Variants in MAPRE3 observed in about 807,000 individuals in gnomAD.
The protein encoded by MAPRE3 is microtubule associated protein RP/EB family member 3, also known as microtubule-associated protein RP/EB family member 3.
In MAPRE3, 2 loss-of-function variants were observed where a neutral mutation model predicts 30.5. The observed-to-expected ratio is 0.07, with a 90% CI of 0.03 to 0.21. The LOEUF (loss-of-function observed/expected upper bound fraction) is 0.21, where lower values mean the gene tolerates loss of function less well. Among genes scored for constraint, MAPRE3 ranks in the 10% least tolerant of loss-of-function variants. MAPRE3 has a pLI of 1.00. For synonymous variants in MAPRE3, 110 were observed against 127.7 expected (o/e 0.86, Z 0.93); for missense variants, 204 against 351.8 (o/e 0.58, Z 3.36).
Position 26,986,282 on chromosome 2 carries a change from T to C in MAPRE3, c.-8+15480T>C, listed in dbSNP as rs1469222086. 6.6e-6 allele frequency among the ~76,000 whole-genome samples: 1 copy of C among 152,152 alleles called. No homozygotes were observed. The highest frequency in any genetic ancestry group is 1.9e-4 in the East Asian group (1 of 5,192). On this transcript the variant is annotated intron_variant, in intron 1 of 6. Coordinates refer to ENST00000233121, the MANE Select transcript of MAPRE3 (RefSeq NM_012326.4). This position sits in a 1 kb window ranked among gnomAD's most constrained non-coding sequence, Gnocchi z 4.2. ...CCCACTCAGATAATCCAGGATAATC[T>C]TCCCATCACAGAAACCTTAATCACA...
At chr2:26,978,275 T>C (rs1393207773) in intron 1 of MAPRE3, among the ~76,000 whole-genome samples, 1 of 152,166 alleles carries the variant, frequency 6.6e-6, no homozygotes, top group Non-Finnish European at 1.5e-5. Flanking sequence ...GTCTAAGGTG[T>C]GTGTTGCCAT....
chr2:27,012,804 A>T (rs1362040964), intron 1 of MAPRE3: 2 of 152,670 alleles, frequency 1.3e-5, no homozygotes, highest in East Asian at 3.9e-4. Context: ...AGTATAAATG[A>T]CTGTGCCCTC....
Position 26,985,344 on chromosome 2 carries a change from GCATCTC to G in MAPRE3, c.-8+14543_-8+14548del, listed in dbSNP as rs1666196293. The stretch of plus-strand genomic sequence containing the variant: ...ATTCTCATTCCAAATTCTGTTCTGT[GCATCTC>G]ATTTCTCCATGTGCAAAGACTTAGC... On this transcript the variant is annotated intron_variant, in intron 1 of 6. Transcript: ENST00000233121. This position sits in a 1 kb window ranked among gnomAD's most constrained non-coding sequence, Gnocchi z 4.2. Among the ~76,000 whole-genome samples the G allele has an allele frequency of 6.6e-6, 1 of 152,182 alleles. No homozygotes were observed. The highest frequency in any genetic ancestry group is 2.1e-4 in the South Asian group (1 of 4,826).
chr2:27,016,423 T>C (rs1666987241), intron 1 of MAPRE3, among the ~76,000 whole-genome samples: 1 of 150,948 alleles, frequency 6.6e-6, no homozygotes, highest in South Asian at 2.1e-4. Context: ...GTCGCTCTTT[T>C]GCCCAGGCTG....
chr2:27,019,185 G>A (rs1451236409), intron 1 of MAPRE3, among the ~76,000 whole-genome samples: 2 of 152,018 alleles, frequency 1.3e-5, no homozygotes. Context: ...ATGAGCCACC[G>A]CACCCGCTCT....
At chr2:27,002,086 G>A (rs1443803210) in intron 1 of MAPRE3, 1 of 152,262 alleles carries the variant, frequency 6.6e-6, no homozygotes, top group African/African-American at 2.4e-5. Context: ...AACTCTCAGG[G>A]AGGCTGAGAA....
intron 1 of MAPRE3, among the ~76,000 whole-genome samples, chr2:26,994,906 G>T (rs1486172349): frequency 6.7e-6 from 1 of 149,008 alleles, no homozygotes; most frequent in Non-Finnish European, 1.5e-5. Context: ...GCAGGATCAT[G>T]GCTCACTGCA....
At chr2:26,973,681 G>A (rs1292915725) in intron 1 of MAPRE3, among the ~76,000 whole-genome samples, 3 of 149,340 alleles carry the variant, frequency 2.0e-5, no homozygotes, top group Non-Finnish European at 4.4e-5. Flanking sequence ...TCAGCCTCCC[G>A]AGTAGCTGGG....
chr2:26,984,679 C>T (rs928007894), intron 1 of MAPRE3: 10 of 152,252 alleles, frequency 6.6e-5, no homozygotes, highest in African/African-American at 2.4e-4. Context: ...CAACCCTAAG[C>T]CCCTCCATAC....
chr2:27,011,867 A>C, intron 1 of MAPRE3: 1 of 134,922 alleles, frequency 7.4e-6, no homozygotes, highest in Non-Finnish European at 1.6e-5. Flanking sequence ...AAAAAAAAGA[A>C]AGAGAGAGGT....
At chr2:26,974,513 G>A (rs912429156) in intron 1 of MAPRE3, among the ~76,000 whole-genome samples, 5 of 152,230 alleles carry the variant, frequency 3.3e-5, no homozygotes, top group African/African-American at 1.2e-4. Flanking sequence ...GGCAGATGGG[G>A]CTGAGAGGAG....
intron 1 of MAPRE3, chr2:26,995,467 G>A (rs1666430996): frequency 6.6e-6 from 1 of 152,168 alleles, no homozygotes; most frequent in African/African-American, 2.4e-5. Flanking sequence ...TAGAAAGTAA[G>A]GAACTTACCA....
At chr2:26,997,927 A>G (rs1237948198) in intron 1 of MAPRE3, among the ~76,000 whole-genome samples, 1 of 152,232 alleles carries the variant, frequency 6.6e-6, no homozygotes. Flanking sequence ...TCCAGCCTTC[A>G]GTCTGGTTCT....
At chr2:27,021,426 A>G (rs937550110) in intron 1 of MAPRE3, among the ~76,000 whole-genome samples, 2 of 152,346 alleles carry the variant, frequency 1.3e-5, no homozygotes, top group Admixed American at 6.5e-5. Context: ...TAATGAATAC[A>G]GGAGCCAGAA....
At chr2:27,016,377 A>C (rs1490212904) in intron 1 of MAPRE3, among the ~76,000 whole-genome samples, 1 of 135,824 alleles carries the variant, frequency 7.4e-6, no homozygotes, top group African/African-American at 2.7e-5. Flanking sequence ...TCGTCAGGTT[A>C]TGTCTTTTTT....
intron 3 of MAPRE3, 44 bp from the exon 4 acceptor site, chr2:27,024,052 A>G: frequency 6.6e-7 from 1 of 1,509,182 alleles, no homozygotes; most frequent in Non-Finnish European, 9.2e-7. Flanking sequence ...GCGGTCCTAC[A>G]GCAGCAGGTG....
Position 26,970,698 on chromosome 2 carries a change from G to C in MAPRE3, c.-112G>C, listed in dbSNP as rs1033848225. On this transcript the variant is annotated 5_prime_UTR_variant, in exon 1 of 7. Coordinates refer to ENST00000233121, the MANE Select transcript of MAPRE3 (RefSeq NM_012326.4). ...CCGGAGACCGCGGCGGCCTCAGCGA[G>C]GACCCTCCGCCCCGGAGCCGCCGGC... The C allele has an allele frequency of 4.6e-5, 7 of 152,410 alleles. No individual in the cohort carries two copies. Among genetic ancestry groups the C allele is most frequent in the Non-Finnish European group, 8.8e-5 (6 of 68,152 alleles). 9.4% of individuals were successfully genotyped at this position (152,410 alleles called of 1,614,324 possible).
chr2:26,989,901 G>C (rs984942538), intron 1 of MAPRE3, among the ~76,000 whole-genome samples: 7 of 152,214 alleles, frequency 4.6e-5, no homozygotes, highest in Admixed American at 3.9e-4. Context: ...ATTTCCAGCT[G>C]TGTGTGGTAG....
chr2:27,016,188 G>T (rs954306246), intron 1 of MAPRE3, among the ~76,000 whole-genome samples: 3 of 152,114 alleles, frequency 2.0e-5, no homozygotes, highest in African/African-American at 7.2e-5. Flanking sequence ...TCCAATCAGG[G>T]TCTGTTTCTC....
Sources: gnomAD v4.1 joint callset for allele counts (sites outside exome capture counted in the v4.1 genomes callset) on GRCh38, gnomAD v4.1.1 for gene constraint, Gnocchi (gnomAD v3.1) non-coding constraint, MANE v1.5 for transcripts, NCBI Gene and HGNC (gene_info 2026-07-23, HGNC 2026-07-21) for gene names.